BTD: variants seen among roughly 807,000 people sequenced by gnomAD.
BTD encodes biocytinase.
Under a neutral mutation model 17.7 loss-of-function variants are expected in BTD, and 13 were observed. The ratio of observed to expected loss-of-function variants is 0.74; its 90% CI spans 0.48 to 1.17. BTD has a LOEUF of 1.17. BTD is among the 50% of genes most tolerant of loss of function. The pLI, the probability that BTD is intolerant of heterozygous loss-of-function variation, is 0.00. For synonymous variants in BTD, 240 were observed against 245.2 expected, an observed-to-expected ratio of 0.98 and a Z score of 0.20; for missense variants, 674 against 650.4, an observed-to-expected ratio of 1.04 and a Z score of -0.39.
At chr3:15,603,156 T>C (rs544227478) in intron 1 of BTD, among the ~76,000 whole-genome samples, 1 of 152,286 alleles carries the variant, frequency 6.6e-6, no homozygotes, top group Admixed American at 6.5e-5. Context: ...GAGCTATAAT[T>C]CAAGATGAGA....
intron 3 of BTD, chr3:15,679,446 C>A: frequency 6.2e-6 from 10 of 1,613,708 alleles, no homozygotes; most frequent in African/African-American, 1.3e-5. Flanking sequence ...AACACTCAAA[C>A]CAAATCTGAT....
intron 3 of BTD, chr3:15,677,482 T>C (rs1428016289): frequency 6.2e-7 from 1 of 1,608,950 alleles, no homozygotes; most frequent in Admixed American, 1.7e-5. Context: ...ATACATACCT[T>C]GCTACAAGCC....
intron 3 of BTD, among the ~76,000 whole-genome samples, chr3:15,665,627 CCTAA>C (rs137950275): frequency 0.037 from 5,686 of 152,270 alleles, 156 homozygotes; most frequent in Non-Finnish European, 0.052. Context: ...ATCACTTTGG[CCTAA>C]CTGTGGAAAT....
chr3:15,655,647 G>A (rs2065863838), downstream of BTD, among the ~76,000 whole-genome samples: 1 of 152,174 alleles, frequency 6.6e-6, no homozygotes, highest in South Asian at 2.1e-4. Context: ...CAAGGCCTAA[G>A]GTCCTCTCTC....
chr3:15,676,161 CAGTGCA>C, intron 3 of BTD: 3 of 471,570 alleles, frequency 6.4e-6, no homozygotes, highest in South Asian at 4.0e-5. Flanking sequence ...AACCTCTGTG[CAGTGCA>C]CTGTCACACC....
intron 3 of BTD, among the ~76,000 whole-genome samples, chr3:15,698,507 A>T (rs986849670): frequency 2.6e-5 from 4 of 152,254 alleles, no homozygotes; most frequent in African/African-American, 9.6e-5. Flanking sequence ...TCTCAGCTCA[A>T]AATCTCCTTA....
chr3:15,707,247 T>C (rs2071574389), intron 3 of BTD, among the ~76,000 whole-genome samples: 1 of 123,268 alleles, frequency 8.1e-6, no homozygotes, highest in Admixed American at 9.2e-5. Flanking sequence ...GAGTTTATTT[T>C]CGTGCAAGAA....
chr3:15,689,902 T>TG (rs2068590870), intron 3 of BTD: 1 of 904,832 alleles, frequency 1.1e-6, no homozygotes, highest in Admixed American at 2.9e-5. Context: ...ATATATGATT[T>TG]GAAAAAAAAA....
chr3:15,636,140 TCC>T (rs1359251288), intron 2 of BTD, among the ~76,000 whole-genome samples: 28 of 152,118 alleles, frequency 1.8e-4, no homozygotes. Context: ...GTTTTAAGGC[TCC>T]CCAGTGCAGT....
intron 3 of BTD, chr3:15,679,422 G>C (rs1483919588): frequency 6.2e-7 from 1 of 1,611,932 alleles, no homozygotes; most frequent in African/African-American, 1.3e-5. Context: ...TCACAGCAAT[G>C]GTGTATTTCT....
rs570148004 is a variant in BTD at position 15,602,349 on chromosome 3, A to G, written c.-17+455A>G. The G allele has an allele frequency of 4.6e-5, 47 of 1,019,248 alleles. No homozygotes were observed. In the South Asian group the frequency reaches 1.6e-3, roughly 36 times the overall value. The allele number at this position is 1,019,248 out of a possible 1,614,324, so 63.1% of individuals were successfully genotyped here. A position where few individuals can be genotyped will look rare whatever the true frequency, so the allele number is the denominator to read the frequency against. On this transcript the variant is annotated intron_variant, in intron 1 of 3. Transcript: ENST00000643237. ...CTGTTTTCTCCAGCCCTTGCTACTA[A>G]TCCATATTACTCTCCGCTAATATCT... is the stretch of plus-strand genomic sequence containing the variant.
In BTD at chr3:15,648,169, T is replaced by C. The variant is rs993247439; in HGVS notation, c.*2681T>C. On this transcript the variant is annotated 3_prime_UTR_variant, in exon 4 of 4. Transcript: ENST00000643237. ...AGAAGATCTCCTCAGAGAGGACCGA[T>C]GGTGAGTCGGCCGCTCTTGATTCTC... Among the ~76,000 whole-genome samples, 1 of 152,202 alleles carries C rather than the reference T, an allele frequency of 6.6e-6. No homozygotes were observed. The highest frequency in any genetic ancestry group is 1.5e-5 in the Non-Finnish European group (1 of 68,040).
chr3:15,712,020 G>T (rs1370472663), exon 4 of BTD: 2 of 760,668 alleles, frequency 2.6e-6, no homozygotes, highest in Non-Finnish European at 4.4e-6. Context: ...TCTAAAAGGG[G>T]TTATTAAATT....
rs797019947 is a variant in BTD, at chr3:15,682,456, G to A, written c.400-27604G>A. 2.0e-5 allele frequency among the ~76,000 whole-genome samples: 3 copies of A among 152,192 alleles called. No homozygotes were observed. In the South Asian group the frequency reaches 6.2e-4, roughly 31 times the overall value. ...TAACTTTCTATCATCATTTATGAAA[G>A]ATAGATAGGATGGTAAACTGGGTCC... On this transcript the variant is annotated intron_variant, in intron 3 of 3. Transcript: ENST00000672141.
chr3:15,694,646 G>T, intron 3 of BTD: 1 of 1,054,008 alleles, frequency 9.5e-7, no homozygotes, highest in Non-Finnish European at 1.4e-6. Context: ...TGGACCAAAA[G>T]TTTATGGTAC....
chr3:15,709,992 C>T (rs1259144996), intron 3 of BTD, among the ~76,000 whole-genome samples: 1 of 150,786 alleles, frequency 6.6e-6, no homozygotes, highest in Non-Finnish European at 1.5e-5. Flanking sequence ...ATCACATTTG[C>T]AAAAGAGATT....
rs2065757723 is a variant in BTD, at chr3:15,649,183, C to T, written c.*3695C>T. Among the ~76,000 whole-genome samples the T allele has an allele frequency of 6.6e-6, 1 of 152,216 alleles. No individual in the cohort carries two copies. Among genetic ancestry groups the T allele is most frequent in the Admixed American group, 6.5e-5 (1 of 15,284 alleles). The stretch of plus-strand genomic sequence containing the variant: ...ACAGCTGGCACGTTGGTGCTGGCTG[C>T]TAGCAAAAGGTCTCAGCTCCTCACC... On this transcript the variant is annotated 3_prime_UTR_variant, in exon 4 of 4. Coordinates refer to ENST00000643237, the MANE Select transcript of BTD (RefSeq NM_001370658.1).
intron 3 of BTD, among the ~76,000 whole-genome samples, chr3:15,671,594 T>G (rs1289577637): frequency 6.6e-6 from 1 of 151,056 alleles, no homozygotes; most frequent in Non-Finnish European, 1.5e-5. Context: ...TTTTTGTTTT[T>G]TTTTTTTTGA....
chr3:15,616,665 G>A (rs912368184), intron 1 of BTD, among the ~76,000 whole-genome samples: 1 of 151,888 alleles, frequency 6.6e-6, no homozygotes, highest in African/African-American at 2.4e-5. Flanking sequence ...TAAGCATTTA[G>A]TCTTGTCAGT....
Sources: allele counts gnomAD v4.1 joint callset (sites outside exome capture counted in the v4.1 genomes callset), GRCh38; gene constraint gnomAD v4.1.1; transcripts MANE v1.5; gene names NCBI Gene and HGNC (gene_info 2026-07-23, HGNC 2026-07-21).